The following PCDHA9 variants were observed in gnomAD, a reference collection of about 807,000 sequenced individuals.
PCDHA9 encodes the protein protocadherin alpha 9.
In PCDHA9, 62 loss-of-function variants were observed where a neutral mutation model predicts 62.0. The ratio of observed to expected loss-of-function variants is 1.00; its 90% CI spans 0.81 to 1.23. The LOEUF (loss-of-function observed/expected upper bound fraction) is 1.23, where lower values mean the gene tolerates loss of function less well. PCDHA9 is among the 50% of genes most tolerant of loss of function. The probability of loss-of-function intolerance (pLI) is 0.00; values close to 1 mark genes in which losing one functional copy is unlikely to be tolerated. For synonymous variants in PCDHA9, 557 were observed against 567.6 expected (o/e 0.98, Z 0.27); for missense variants, 1,205 against 1,249.8 (o/e 0.96, Z 0.54).
rs1554143223 is a variant in PCDHA9, at chr5:140,849,723, G to A, written c.1228G>A (p.Asp410Asn). 6.3e-7 allele frequency: 1 copy of A among 1,598,414 alleles called. No homozygotes were observed. Reference protein sequence around the residue: ...TYKNYYSLVLDRALDRESVSA... With the variant: ...TYKNYYSLVLNRALDRESVSA... ...CAAGAATTACTACTCGTTGGTGCTG[G>A]ACAGAGCTCTGGACCGCGAGAGTGT... The change falls in exon 1 of 4, where the codon GAC becomes AAC. Residue 410 changes from aspartate (D) to asparagine (N), a missense_variant. Around this residue, in one of 3 missense-constraint regions of PCDHA9, gnomAD observed 887 missense variants for 809.5 expected, o/e 1.10. Transcript: ENST00000532602.
At chr5:140,964,658 G>T (rs2095846855) in intron 1 of PCDHA9, among the ~76,000 whole-genome samples, 1 of 151,968 alleles carries the variant, frequency 6.6e-6, no homozygotes, top group Admixed American at 6.6e-5. Context: ...AATGGGTGAG[G>T]ACACAGGCCA....
rs1554262529 is a variant in PCDHA9 at position 141,009,890 on chromosome 5, G to A, written c.2806G>A (p.Glu936Lys). 8.1e-6 allele frequency: 13 copies of A among 1,612,626 alleles called. No homozygotes were observed. Among genetic ancestry groups the A allele is most frequent in the Non-Finnish European group, 1.1e-5 (13 of 1,179,746 alleles). ...AAAGAAGAAGGGTAACAAGACCCAG[G>A]AGAAAAAAGAGAAAGGGAACAGCAC... Reference protein sequence around the residue: ...KKKKKGNKTQEKKEKGNSTTD... With the variant: ...KKKKKGNKTQKKKEKGNSTTD... The change falls in exon 4 of 4, where the codon GAG becomes AAG. Residue 936 changes from glutamate to lysine, a missense_variant. Glu to Lys is a moderately conservative substitution (Grantham distance 56). Coordinates refer to ENST00000532602, the MANE Select transcript of PCDHA9 (RefSeq NM_031857.2).
chr5:140,891,568 A>G (rs1448026659), intron 1 of PCDHA9, among the ~76,000 whole-genome samples: 1 of 151,646 alleles, frequency 6.6e-6, no homozygotes, highest in Non-Finnish European at 1.5e-5. Flanking sequence ...CTCTAATTAA[A>G]CATATTTTAA....
Position 140,850,503 on chromosome 5 carries a change from G to A in PCDHA9, c.2008G>A (p.Val670Met), listed in dbSNP as rs2041643123. ...TATATVLVSL[V>M]ESGQAPKSSS... is the part of the protein sequence containing the mutation. ...CACGGCCACTGTGCTGGTGTCGCTG[G>A]TGGAGAGCGGCCAGGCGCCAAAGTC... The change falls in exon 1 of 4, where the codon GTG becomes ATG. Residue 670 changes from valine to methionine, a missense_variant. Val to Met is a conservative substitution (Grantham distance 21). Transcript: ENST00000532602. 1 of 1,598,176 alleles carries A rather than the reference G, an allele frequency of 6.3e-7. No individual in the cohort carries two copies. The highest frequency in any genetic ancestry group is 1.1e-5 in the South Asian group (1 of 90,544).
At chr5:140,957,130 A>C in intron 1 of PCDHA9, among the ~76,000 whole-genome samples, 1 of 152,188 alleles carries the variant, frequency 6.6e-6, no homozygotes, top group Middle Eastern at 3.2e-3. Flanking sequence ...TCTTTACTAC[A>C]CTATGAACTA....
intron 1 of PCDHA9, chr5:140,856,534 A>G (rs782489948): frequency 6.3e-7 from 1 of 1,598,482 alleles, no homozygotes; most frequent in Non-Finnish European, 8.6e-7. Context: ...CGGATGTTGG[A>G]GAGAACGCAT....
At chr5:140,967,730 G>A (rs2096176474) in intron 1 of PCDHA9, 1 of 1,614,146 alleles carries the variant, frequency 6.2e-7, no homozygotes, top group Non-Finnish European at 8.5e-7. Context: ...AGTAATTGGG[G>A]GGCTGGATTA....
At chr5:140,969,485 T>C (rs1485555970) in intron 1 of PCDHA9, 4 of 1,461,452 alleles carry the variant, frequency 2.7e-6, no homozygotes, top group African/African-American at 2.9e-5. Flanking sequence ...CATAATCTGC[T>C]ATTTCCTCTC....
intron 1 of PCDHA9, chr5:140,861,416 C>A (rs1053647411): frequency 8.4e-6 from 4 of 476,934 alleles, no homozygotes; most frequent in African/African-American, 6.0e-5. Context: ...TGATACCGCG[C>A]CTGTTTCAGT....
chr5:140,947,938 A>G (rs2094195228), intron 1 of PCDHA9, among the ~76,000 whole-genome samples: 1 of 151,536 alleles, frequency 6.6e-6, no homozygotes, highest in African/African-American at 2.4e-5. Context: ...CTTATGAGAA[A>G]AGTGTTCCAT....
At chr5:140,928,685 A>G (rs899513448) in intron 1 of PCDHA9, 36 of 1,614,050 alleles carry the variant, frequency 2.2e-5, no homozygotes, top group Non-Finnish European at 3.1e-5. Context: ...TGGCTTTCCT[A>G]CCACATCTCC....
chr5:140,950,040 C>T (rs1053592525), intron 1 of PCDHA9, among the ~76,000 whole-genome samples: 4 of 151,718 alleles, frequency 2.6e-5, no homozygotes, highest in Non-Finnish European at 5.9e-5. Flanking sequence ...AAGTTACAAC[C>T]ATATAAGACT....
intron 2 of PCDHA9, 125 bp downstream of exon 2, chr5:140,979,132 A>T: frequency 4.8e-6 from 7 of 1,471,500 alleles, no homozygotes; most frequent in Non-Finnish European, 6.3e-6. Context: ...TGCCAGGAAA[A>T]TGCAATTATT....
chr5:140,854,176 AG>A (rs2150310267), intron 1 of PCDHA9: 7 of 663,702 alleles, frequency 1.1e-5, no homozygotes, highest in East Asian at 1.3e-4. Flanking sequence ...AAAAAAAAAA[AG>A]AGTAGTTTAA....
chr5:141,010,201 C>G lies in PCDHA9; in HGVS notation c.*264C>G, dbSNP rs782495760. On this transcript the variant is annotated 3_prime_UTR_variant, in exon 4 of 4. Coordinates refer to ENST00000532602, the MANE Select transcript of PCDHA9 (RefSeq NM_031857.2). ...GCAGACCCAAGTTTCCTTTCTCCTC[C>G]GCCGCAAAGGAGAGGCTTCCCAGCC... 9.0e-6 allele frequency: 14 copies of G among 1,551,916 alleles called. No homozygotes were observed. Among genetic ancestry groups the G allele is most frequent in the Non-Finnish European group, 1.0e-5 (12 of 1,147,084 alleles).
intron 3 of PCDHA9, among the ~76,000 whole-genome samples, chr5:141,006,067 A>T (rs1202024176): frequency 3.3e-5 from 5 of 151,950 alleles, no homozygotes; most frequent in African/African-American, 1.2e-4. Context: ...AGAAATAAAA[A>T]TCAGATTATT....
At chr5:140,957,397 A>C (rs553656426) in intron 1 of PCDHA9, among the ~76,000 whole-genome samples, 1 of 152,282 alleles carries the variant, frequency 6.6e-6, no homozygotes, top group South Asian at 2.1e-4. Context: ...AATTGTCCTA[A>C]TTTATTATTA....
intron 1 of PCDHA9, chr5:140,929,570 A>G (rs1563117537): frequency 2.2e-6 from 1 of 458,222 alleles, no homozygotes; most frequent in South Asian, 1.1e-4. Flanking sequence ...TAAGAACAAT[A>G]AAAGTAATAT....
chr5:140,965,821 C>T (rs782710036), intron 1 of PCDHA9, among the ~76,000 whole-genome samples: 9 of 152,150 alleles, frequency 5.9e-5, no homozygotes, highest in Non-Finnish European at 1.0e-4. Flanking sequence ...GCATTTTAAA[C>T]ATTTAAATAT....
Sources: gnomAD v4.1 joint callset for allele counts (sites outside exome capture counted in the v4.1 genomes callset) on GRCh38, gnomAD v4.1.1 for gene constraint, gnomAD v4.1.1 regional missense constraint, MANE v1.5 for transcripts, NCBI Gene and HGNC (gene_info 2026-07-23, HGNC 2026-07-21) for gene names.